MAGI1: variants seen among roughly 807,000 people sequenced by gnomAD.
MAGI1 encodes the protein membrane-associated guanylate kinase, WW and PDZ domain-containing protein 1.
Under a neutral mutation model 139.9 loss-of-function variants are expected in MAGI1, and 58 were observed. The ratio of observed to expected loss-of-function variants is 0.41; its 90% CI spans 0.34 to 0.52. The LOEUF is 0.52. Among genes scored for constraint, MAGI1 ranks in the 20% least tolerant of loss-of-function variants. The probability of loss-of-function intolerance (pLI) is 0.12; values close to 1 mark genes in which losing one functional copy is unlikely to be tolerated. For missense variants in MAGI1, 1,874 were observed against 1,901.6 expected (o/e 0.99, Z 0.27); for synonymous variants, 812 against 737.9 (o/e 1.10, Z -1.63).
chr3:65,535,272 G>T (rs1423471319), intron 2 of MAGI1, among the ~76,000 whole-genome samples: 1 of 152,130 alleles, frequency 6.6e-6, no homozygotes, highest in Non-Finnish European at 1.5e-5. Context: ...TCTTCAAAGG[G>T]AAGATGTGCT....
At chr3:65,643,074 A>C (rs1487323737) in intron 1 of MAGI1, among the ~76,000 whole-genome samples, 1 of 152,246 alleles carries the variant, frequency 6.6e-6, no homozygotes, top group Admixed American at 6.5e-5. Context: ...TGGCACCTCC[A>C]GTAAACACAG....
At chr3:65,534,359 T>C (rs1170037506) in intron 2 of MAGI1, among the ~76,000 whole-genome samples, 1 of 152,040 alleles carries the variant, frequency 6.6e-6, no homozygotes, top group Non-Finnish European at 1.5e-5. Context: ...GGCGTAGTGG[T>C]GCACACCGGT....
chr3:65,665,489 T>C (rs1396015076), intron 1 of MAGI1, among the ~76,000 whole-genome samples: 1 of 152,206 alleles, frequency 6.6e-6, no homozygotes, highest in Non-Finnish European at 1.5e-5. Flanking sequence ...CATCTTATTA[T>C]AAAGAAATAC....
intron 1 of MAGI1, among the ~76,000 whole-genome samples, chr3:65,648,289 C>T (rs2107292087): frequency 9.7e-6 from 1 of 103,106 alleles, no homozygotes; most frequent in South Asian, 2.7e-4. Context: ...GTACTACAGG[C>T]CGTGTGTGTG....
intron 2 of MAGI1, among the ~76,000 whole-genome samples, chr3:65,547,918 C>T (rs1196148074): frequency 6.6e-6 from 1 of 152,122 alleles, no homozygotes; most frequent in East Asian, 1.9e-4. Flanking sequence ...AAAAGGTCAA[C>T]TATGAAGTTC....
chr3:65,893,711 T>G (rs2060857313), intron 1 of MAGI1: 1 of 152,234 alleles, frequency 6.6e-6, no homozygotes, highest in Non-Finnish European at 1.5e-5. Flanking sequence ...TTATTACAAT[T>G]ATCTACTGCT....
chr3:65,480,171 A>AAC (rs1428672272), intron 3 of MAGI1, among the ~76,000 whole-genome samples: 1 of 151,586 alleles, frequency 6.6e-6, no homozygotes, highest in Non-Finnish European at 1.5e-5. Flanking sequence ...CAAAAAAAAA[A>AAC]AAAACACAAA....
At chr3:65,535,987 G>A (rs1227524523) in intron 2 of MAGI1, among the ~76,000 whole-genome samples, 1 of 152,160 alleles carries the variant, frequency 6.6e-6, no homozygotes, top group Admixed American at 6.5e-5. Flanking sequence ...ACCATGAGGG[G>A]CACATGGGAA....
At chr3:65,507,549 T>A (rs1559618940) in intron 2 of MAGI1, among the ~76,000 whole-genome samples, 1 of 152,196 alleles carries the variant, frequency 6.6e-6, no homozygotes, top group African/African-American at 2.4e-5. Flanking sequence ...AATAATGACA[T>A]CAGCAGATTC....
At chr3:65,490,354 T>C (rs1358038333) in intron 3 of MAGI1, among the ~76,000 whole-genome samples, 1 of 152,190 alleles carries the variant, frequency 6.6e-6, no homozygotes, top group Non-Finnish European at 1.5e-5. Context: ...ACAGCAGGGC[T>C]TGCATGCTTG....
chr3:65,402,918 G>C (rs777350302), intron 12 of MAGI1, among the ~76,000 whole-genome samples: 3 of 152,170 alleles, frequency 2.0e-5, no homozygotes, highest in Non-Finnish European at 4.4e-5. Flanking sequence ...TCAGTAGTTT[G>C]TCAGAAATGC....
intron 1 of MAGI1, among the ~76,000 whole-genome samples, chr3:65,941,251 G>A (rs901729690): frequency 6.6e-5 from 10 of 151,972 alleles, no homozygotes; most frequent in African/African-American, 2.4e-4. Context: ...GGAGGCTGAG[G>A]CAGGAGAATA....
chr3:65,930,449 T>C lies in MAGI1; in HGVS notation c.313+107547A>G, dbSNP rs151286079. On this transcript the variant is annotated intron_variant, in intron 1 of 22. Transcript: ENST00000402939. ...ACGTATTTATCAAAATGTCCACTTG[T>C]GGCCAGGCACGGTGGCTCACACCTG... is the stretch of plus-strand genomic sequence containing the variant. 1.9e-4 allele frequency among the ~76,000 whole-genome samples: 28 copies of C among 150,422 alleles called. No individual in the cohort carries two copies. The East Asian group carries it at 5.2e-3, about 28-fold the overall frequency.
intron 1 of MAGI1, among the ~76,000 whole-genome samples, chr3:65,958,120 G>A (rs1330364892): frequency 6.6e-6 from 1 of 152,064 alleles, no homozygotes; most frequent in African/African-American, 2.4e-5. Flanking sequence ...CATCCACTGC[G>A]ATTTATGCCC....
At chr3:65,586,555 T>C (rs905976891) in intron 2 of MAGI1, among the ~76,000 whole-genome samples, 3 of 152,104 alleles carry the variant, frequency 2.0e-5, no homozygotes, top group African/African-American at 7.2e-5. Context: ...ATTTTCAAAA[T>C]GAATACAATT....
At chr3:65,623,468 A>G (rs1450851560) in intron 1 of MAGI1, among the ~76,000 whole-genome samples, 1 of 152,240 alleles carries the variant, frequency 6.6e-6, no homozygotes, top group African/African-American at 2.4e-5. Flanking sequence ...CCTAACTAGC[A>G]TTCACTCTTA....
At chr3:65,740,916 ATT>A (rs1171630400) in intron 1 of MAGI1, among the ~76,000 whole-genome samples, 1 of 152,068 alleles carries the variant, frequency 6.6e-6, no homozygotes, top group Non-Finnish European at 1.5e-5. Flanking sequence ...TGAGATCACT[ATT>A]TTTCCTTCTT....
At chr3:65,470,174 G>T in intron 5 of MAGI1, 109 bp downstream of exon 5, 1 of 688,570 alleles carries the variant, frequency 1.5e-6, no homozygotes, top group Non-Finnish European at 2.4e-6. Flanking sequence ...AATACCATCA[G>T]TGGGTGATCA....
intron 2 of MAGI1, among the ~76,000 whole-genome samples, chr3:65,498,719 C>G (rs1313048504): frequency 6.6e-6 from 1 of 152,184 alleles, no homozygotes; most frequent in Non-Finnish European, 1.5e-5. Context: ...TTAACCATCA[C>G]TGTCTGATGG....
Sources: allele counts gnomAD v4.1 joint callset (sites outside exome capture counted in the v4.1 genomes callset), GRCh38; gene constraint gnomAD v4.1.1; transcripts MANE v1.5; gene names NCBI Gene and HGNC (gene_info 2026-07-23, HGNC 2026-07-21).